Variants in NTRK2 observed in about 807,000 individuals in gnomAD.
NTRK2 encodes the protein neurotrophic receptor tyrosine kinase 2.
In NTRK2, 13 loss-of-function variants were observed where a neutral mutation model predicts 94.5. The observed-to-expected ratio is 0.14, with a 90% CI of 0.09 to 0.22. NTRK2 has a LOEUF of 0.22. Among genes scored for constraint, NTRK2 ranks in the 10% least tolerant of loss-of-function variants. The probability of loss-of-function intolerance (pLI) is 1.00; values close to 1 mark genes in which losing one functional copy is unlikely to be tolerated. For missense variants in NTRK2, 639 were observed against 1,071.2 expected, an observed-to-expected ratio of 0.60 and a Z score of 5.63; for synonymous variants, 372 against 407.4, an observed-to-expected ratio of 0.91 and a Z score of 1.05.
chr9:84,985,097 TG>T (rs1828136771), intron 17 of NTRK2, among the ~76,000 whole-genome samples: 2 of 152,250 alleles, frequency 1.3e-5, no homozygotes, highest in South Asian at 4.1e-4. Context: ...CCAGCAAGGG[TG>T]TTTGCAGAAA....
At chr9:84,809,158 G>A (rs1461158712) in intron 12 of NTRK2, among the ~76,000 whole-genome samples, 1 of 152,034 alleles carries the variant, frequency 6.6e-6, no homozygotes, top group Non-Finnish European at 1.5e-5. Context: ...TAGGGTTATT[G>A]TAAAAATAAA....
intron 4 of NTRK2, among the ~76,000 whole-genome samples, chr9:84,703,527 T>A (rs1000386496): frequency 6.6e-6 from 1 of 152,174 alleles, no homozygotes; most frequent in Non-Finnish European, 1.5e-5. Flanking sequence ...ATAAGGTTCG[T>A]CCTCTTTCTT....
intron 14 of NTRK2, among the ~76,000 whole-genome samples, chr9:84,922,094 T>C (rs2077585598): frequency 6.6e-6 from 1 of 152,210 alleles, no homozygotes; most frequent in African/African-American, 2.4e-5. Flanking sequence ...GGTTGAGCTA[T>C]ATGAAATAGC....
At chr9:84,873,839 C>G (rs2075964227) in intron 14 of NTRK2, 1 of 1,057,950 alleles carries the variant, frequency 9.5e-7, no homozygotes, top group Admixed American at 5.4e-5. Flanking sequence ...AGGAAACACT[C>G]CAGTCCTAAG....
chr9:84,985,163 A>G (rs4504715), intron 17 of NTRK2, among the ~76,000 whole-genome samples: 139,849 of 152,310 alleles, frequency 0.92, 64,414 homozygotes, highest in African/African-American at 0.98. Context: ...GGCAGATAGG[A>G]AATAGCTAGT....
chr9:84,750,961 A>G (rs964142898), intron 11 of NTRK2, among the ~76,000 whole-genome samples: 2 of 152,226 alleles, frequency 1.3e-5, no homozygotes, highest in Admixed American at 6.5e-5. Context: ...ATTCACATAT[A>G]TCTACATCTA....
chr9:84,833,083 T>G (rs186982732), intron 12 of NTRK2, among the ~76,000 whole-genome samples: 2,505 of 99,008 alleles, frequency 0.025, 21 homozygotes, highest in Admixed American at 0.043. Flanking sequence ...TGCATATTCT[T>G]GGGCCTCATT....
intron 12 of NTRK2, among the ~76,000 whole-genome samples, chr9:84,826,294 G>A (rs937046114): frequency 2.0e-5 from 3 of 152,154 alleles, no homozygotes; most frequent in Non-Finnish European, 4.4e-5. Flanking sequence ...GCTTGTAGCT[G>A]TATCACTCCA....
At chr9:84,786,158 C>G (rs1317928451) in intron 12 of NTRK2, among the ~76,000 whole-genome samples, 1 of 152,220 alleles carries the variant, frequency 6.6e-6, no homozygotes, top group Non-Finnish European at 1.5e-5. Flanking sequence ...CTCACATTCC[C>G]ACAGTCCCCT....
intron 17 of NTRK2, among the ~76,000 whole-genome samples, chr9:84,982,239 A>G (rs1342399875): frequency 2.6e-5 from 4 of 152,214 alleles, no homozygotes; most frequent in East Asian, 3.8e-4. Context: ...CACACCCACA[A>G]GGGTACATGT....
intron 14 of NTRK2, among the ~76,000 whole-genome samples, chr9:84,920,684 T>G (rs539854668): frequency 6.6e-5 from 10 of 152,318 alleles, no homozygotes; most frequent in African/African-American, 2.4e-4. Flanking sequence ...AGAAATCCGT[T>G]GAAAAATCTC....
intron 14 of NTRK2, among the ~76,000 whole-genome samples, chr9:84,903,167 A>G (rs928914692): frequency 1.5e-4 from 23 of 152,362 alleles, no homozygotes; most frequent in East Asian, 7.7e-4. Flanking sequence ...CTATGAAATA[A>G]TACAGTGCAG....
chr9:84,911,759 T>G (rs1243926900), intron 14 of NTRK2, among the ~76,000 whole-genome samples: 2 of 152,150 alleles, frequency 1.3e-5, no homozygotes, highest in Non-Finnish European at 2.9e-5. Flanking sequence ...TTTATTGATT[T>G]CTGATCTTAC....
intron 2 of NTRK2, among the ~76,000 whole-genome samples, chr9:84,689,674 A>T (rs1288590720): frequency 6.6e-6 from 1 of 152,186 alleles, no homozygotes; most frequent in Non-Finnish European, 1.5e-5. Context: ...TTCATATTTC[A>T]GTGATGCTAA....
At chr9:84,692,468 CTTTTTTTTTTTTTT>C (rs71369138) in intron 2 of NTRK2, among the ~76,000 whole-genome samples, 1 of 87,694 alleles carries the variant, frequency 1.1e-5, no homozygotes, top group South Asian at 4.9e-4. Flanking sequence ...TTCTTTTTTT[CTTTTTTTTTTTTTT>C]TTTTTTGAGA....
intron 12 of NTRK2, among the ~76,000 whole-genome samples, chr9:84,821,320 T>TACAC (rs879336780): frequency 1.1e-4 from 9 of 79,058 alleles, no homozygotes; most frequent in South Asian, 5.4e-4. Flanking sequence ...CACAAGAATT[T>TACAC]ACACACACAC....
At position 84,865,976 on chromosome 9, in the gene NTRK2, A is replaced by G. The variant is rs78404183; in HGVS notation, c.1445-1267A>G. Among the ~76,000 whole-genome samples, 708 of 152,344 alleles carry G rather than the reference A, an allele frequency of 4.6e-3. 13 individuals are homozygous for G. The highest frequency in any genetic ancestry group is 0.038 in the Admixed American group (577 of 15,304). ...TTAGTGGCTAATGGGTAAATTGTTT[A>G]GACAAGATACAGTAGACTGTATGTG... On this transcript the variant is annotated intron_variant, in intron 13 of 18. Coordinates refer to ENST00000277120, the MANE Select transcript of NTRK2 (RefSeq NM_006180.6).
chr9:84,770,177 C>G (rs2066406504), intron 12 of NTRK2, among the ~76,000 whole-genome samples: 1 of 151,860 alleles, frequency 6.6e-6, no homozygotes, highest in South Asian at 2.1e-4. Context: ...CACACACACA[C>G]ACACACACAC....
At chr9:84,687,602 C>T (rs1564053470) in intron 2 of NTRK2, among the ~76,000 whole-genome samples, 2 of 152,194 alleles carry the variant, frequency 1.3e-5, no homozygotes, top group South Asian at 2.1e-4. Flanking sequence ...TATACACATA[C>T]AGTTCAGAAG....
Sources: allele counts gnomAD v4.1 joint callset (sites outside exome capture counted in the v4.1 genomes callset), GRCh38; gene constraint gnomAD v4.1.1; transcripts MANE v1.5; gene names NCBI Gene and HGNC (gene_info 2026-07-23, HGNC 2026-07-21).